NLRP12: variants seen among roughly 807,000 people sequenced by gnomAD.
The protein encoded by NLRP12 is NACHT, LRR and PYD domains-containing protein 12.
Under a neutral mutation model 91.2 loss-of-function variants are expected in NLRP12, and 108 were observed. The ratio of observed to expected loss-of-function variants is 1.18; its 90% confidence interval spans 1.01 to 1.39. NLRP12 has a LOEUF of 1.39. NLRP12 is among the 40% of genes most tolerant of loss of function. The pLI, the probability that NLRP12 is intolerant of heterozygous loss-of-function variation, is 0.00. For synonymous variants in NLRP12, 613 were observed against 566.7 expected, an observed-to-expected ratio of 1.08 and a Z score of -1.16; for missense variants, 1,530 against 1,352.7, an observed-to-expected ratio of 1.13 and a Z score of -2.06.
chr19:53,795,745 C>G (rs113033295), intron 9 of NLRP12, 114 bp downstream of exon 9: 1 of 891,810 alleles, frequency 1.1e-6, no homozygotes, highest in Admixed American at 2.0e-5. Context: ...CATCTGTATG[C>G]CCCCTAATTG....
intron 5 of NLRP12, among the ~76,000 whole-genome samples, chr19:53,804,610 C>T (rs2091927736): frequency 6.6e-6 from 1 of 150,476 alleles, no homozygotes; most frequent in African/African-American, 2.4e-5. Flanking sequence ...GGTGTTTCTC[C>T]GTGTTGGCCA....
chr19:53,813,180 C>T (rs2092103277), intron 2 of NLRP12, among the ~76,000 whole-genome samples: 2 of 151,292 alleles, frequency 1.3e-5, no homozygotes, highest in South Asian at 2.1e-4. Flanking sequence ...TGTGCCTGGC[C>T]GCCAATGTCT....
At chr19:53,800,062 AGGCCGAGGCAGGT>A (rs1260604556) in intron 7 of NLRP12, among the ~76,000 whole-genome samples, 18 of 152,058 alleles carry the variant, frequency 1.2e-4, no homozygotes, top group Non-Finnish European at 2.9e-5. Context: ...GCACTTTGGG[AGGCCGAGGCAGGT>A]GGATCATGAG....
intron 4 of NLRP12, 172 bp from the exon 5 acceptor site, chr19:53,805,622 ATCC>A (rs2091947088): frequency 1.5e-6 from 1 of 688,410 alleles, no homozygotes; most frequent in Non-Finnish European, 2.6e-6. Context: ...GGTTGAAGCA[ATCC>A]TCCTGCCTTG....
At chr19:53,820,708 G>A (rs1403418530) in intron 1 of NLRP12, among the ~76,000 whole-genome samples, 9 of 141,078 alleles carry the variant, frequency 6.4e-5, no homozygotes, top group African/African-American at 2.4e-4. Flanking sequence ...TTTTTTTTGA[G>A]ACGGAGTCTT....
intron 7 of NLRP12, among the ~76,000 whole-genome samples, chr19:53,799,864 G>T (rs569794300): frequency 6.6e-6 from 1 of 152,124 alleles, no homozygotes; most frequent in South Asian, 2.1e-4. Context: ...TTTTAGCTAG[G>T]GATTAGAAAG....
chr19:53,800,735 A>G (rs898879047), intron 7 of NLRP12, among the ~76,000 whole-genome samples: 8 of 151,886 alleles, frequency 5.3e-5, no homozygotes, highest in African/African-American at 1.9e-4. Flanking sequence ...GGCATGCACC[A>G]CCATGCCTGG....
chr19:53,795,565 G>A (rs1269353773), intron 9 of NLRP12, among the ~76,000 whole-genome samples: 2 of 150,078 alleles, frequency 1.3e-5, no homozygotes, highest in African/African-American at 4.9e-5. Flanking sequence ...TATTAGAGAC[G>A]GGGTTTCGCC....
chr19:53,806,171 T>A lies in NLRP12; in HGVS notation c.2244-721A>T, dbSNP rs2091955020. Among the ~76,000 whole-genome samples the A allele has an allele frequency of 2.6e-5, 4 of 151,656 alleles. 1 individual carries two copies. Among genetic ancestry groups the A allele is most frequent in the Admixed American group, 2.6e-4 (4 of 15,204 alleles). On this transcript the variant is annotated intron_variant, in intron 4 of 9. Coordinates refer to ENST00000324134, the MANE Select transcript of NLRP12 (RefSeq NM_144687.4). ...ATTGCTTGAACTCAGGAGGCGGAGG[T>A]TGCAGTGAGTCGAGATCATGTCACT... is the stretch of plus-strand genomic sequence containing the variant.
rs145729590 is a variant in NLRP12 at position 53,823,983 on chromosome 19, G to C, written c.192C>G (p.Phe64Leu). 1 of 1,614,024 alleles carries C rather than the reference G, an allele frequency of 6.2e-7. No individual in the cohort carries two copies. The highest frequency in any genetic ancestry group is 8.5e-7 in the Non-Finnish European group (1 of 1,180,048). ...CCAACCTCCAGGCCTCCTCTGGCCC[G>C]AAGTGGGTGATGAGCAGCTGGGCCA... Reference protein sequence around the residue: ...LEMAQLLITHFGPEEAWRLAL... With the variant: ...LEMAQLLITHLGPEEAWRLAL... The change falls in exon 1 of 10, where the codon TTC becomes TTG. Residue 64 changes from phenylalanine (F) to leucine (L), a missense_variant. By Grantham distance (22) the Phe-to-Leu change is conservative. Transcript: ENST00000324134.
intron 3 of NLRP12, among the ~76,000 whole-genome samples, chr19:53,809,332 ACCACCCTGGCCAACATGGTG>A (rs1333406325): frequency 3.3e-5 from 5 of 151,500 alleles, no homozygotes; most frequent in African/African-American, 1.2e-4. Flanking sequence ...AGAGATCGAG[ACCACCCTGGCCAACATGGTG>A]AAACCCTGTC....
intron 5 of NLRP12, 62 bp from the exon 6 acceptor site, chr19:53,804,184 T>C: frequency 6.5e-7 from 1 of 1,543,702 alleles, no homozygotes; most frequent in East Asian, 2.3e-5. Flanking sequence ...TGATCACTCA[T>C]GCTCCAGCCT....
At chr19:53,801,767 C>A (rs2091879466) in intron 6 of NLRP12, among the ~76,000 whole-genome samples, 1 of 151,714 alleles carries the variant, frequency 6.6e-6, no homozygotes, top group Non-Finnish European at 1.5e-5. Flanking sequence ...CCAATCTTAA[C>A]AGTAATGCAT....
Position 53,801,263 on chromosome 19 carries a change from C to T in NLRP12, c.2720G>A (p.Gly907Asp). The part of the protein sequence containing the change: ...GDLGVLLLCE[G>D]LRHPTCKLQT... The stretch of plus-strand genomic sequence containing the variant: ...GAGCTTGCACGTGGGATGCCTGAGG[C>T]CCTCACACAGCAGCAGCACCCCGAG... Residue 907 changes from glycine to aspartate, a missense_variant, in exon 7 of 10, where the codon GGC becomes GAC. By Grantham distance (94) the Gly-to-Asp change is moderately conservative. Transcript: ENST00000324134. The T allele has an allele frequency of 6.2e-7, 1 of 1,613,870 alleles. No individual in the cohort carries two copies. Among genetic ancestry groups the T allele is most frequent in the Non-Finnish European group, 8.5e-7 (1 of 1,179,964 alleles).
Position 53,798,317 on chromosome 19 carries a change from G to T in NLRP12, c.2853C>A (p.Asn951Lys), listed in dbSNP as rs376516191. ...ACCACAGGCCCCAGTCTCCCAGGTCGTTGAAACTCAAGTCCAGCTCCCGGA... is the reference window on the plus strand; with the variant it reads ...ACCACAGGCCCCAGTCTCCCAGGTCTTTGAAACTCAAGTCCAGCTCCCGGA... The part of the protein sequence containing the change: ...HNLRELDLSF[N>K]DLGDWGLWLL... The change falls in exon 8 of 10, where the codon AAC (asparagine) becomes AAA (lysine). Residue 951 changes from asparagine (N) to lysine (K), a missense_variant. Coordinates refer to ENST00000324134, the MANE Select transcript of NLRP12 (RefSeq NM_144687.4). The T allele has an allele frequency of 7.4e-6, 12 of 1,614,048 alleles. No individual in the cohort carries two copies. In the African/African-American group the frequency reaches 1.5e-4, roughly 20 times the overall value.
chr19:53,810,374 T>G lies in NLRP12; in HGVS notation c.1285A>C (p.Arg429=), dbSNP rs772270897. The change falls in exon 3 of 10, where the codon AGG becomes CGG. Residue 429 remains arginine (R), a synonymous_variant. Coordinates refer to ENST00000324134, the MANE Select transcript of NLRP12 (RefSeq NM_144687.4). The part of the protein sequence containing the change: ...EGGGLLRQTS[R]TTTAVYMLYL... ...AGCATGTACACTGCAGTGGTGGTCCTGGACGTCTGTCTCAACAGCCCCCCA... is the reference window on the plus strand; with the variant it reads ...AGCATGTACACTGCAGTGGTGGTCCGGGACGTCTGTCTCAACAGCCCCCCA... 4 of 1,613,552 alleles carry G rather than the reference T, an allele frequency of 2.5e-6. No individual in the cohort carries two copies. In the South Asian group the frequency reaches 3.3e-5, roughly 13 times the overall value.
chr19:53,798,448 C>A (rs773690116), intron 7 of NLRP12, 35 bp from the exon 8 acceptor site: 1 of 1,601,452 alleles, frequency 6.2e-7, no homozygotes, highest in South Asian at 1.1e-5. Flanking sequence ...GAGTGGGAGG[C>A]ATTCCTCCTG....
chr19:53,798,216 G>A (rs1365567076), intron 8 of NLRP12, 27 bp downstream of exon 8: 1 of 1,613,512 alleles, frequency 6.2e-7, no homozygotes, highest in Admixed American at 1.7e-5. Context: ...CGTGACCACT[G>A]CCACCCCGTC....
chr19:53,813,278 ATTCTTTTTTTTTTTTCTTTTC>A (rs1443226989), intron 2 of NLRP12, among the ~76,000 whole-genome samples: 1 of 110,022 alleles, frequency 9.1e-6, no homozygotes, highest in Non-Finnish European at 2.0e-5. Context: ...GGCAACTGCT[ATTCTTTTTTTTTTTTCTTTTC>A]TTTTTTTTTT....
Sources: gnomAD v4.1 joint callset for allele counts (sites outside exome capture counted in the v4.1 genomes callset) on GRCh38, gnomAD v4.1.1 for gene constraint, MANE v1.5 for transcripts, NCBI Gene and HGNC (gene_info 2026-07-23, HGNC 2026-07-21) for gene names.